Variants in ACER1 observed in about 807,000 individuals in gnomAD.
ACER1 encodes CTB-180A7.3.
Under a neutral mutation model 24.9 loss-of-function variants are expected in ACER1, and 28 were observed. That is an observed-to-expected ratio of 1.13 (90% confidence interval 0.83 to 1.54). ACER1 has a LOEUF of 1.54. ACER1 is among the 40% of genes most tolerant of loss of function. The probability of loss-of-function intolerance (pLI) is 0.00; values close to 1 mark genes in which losing one functional copy is unlikely to be tolerated. For synonymous variants in ACER1, 132 were observed against 131.4 expected (o/e 1.00, Z -0.03); for missense variants, 352 against 349.3 (o/e 1.01, Z -0.06).
At chr19:6,340,299 GGAAGGAAGGAAGGAAGGAAGGA>G in the ACER1 span, among the ~76,000 whole-genome samples, 2 of 190 alleles carry the variant, frequency 0.011, no homozygotes, top group Admixed American at 0.11. Context: ...AAAGAAGGAA[GGAAGGAAGGAAGGAAGGAAGGA>G]AGGAAGGAAG....
the ACER1 span, among the ~76,000 whole-genome samples, chr19:6,355,565 G>T: frequency 6.0e-5 from 9 of 150,996 alleles, no homozygotes; most frequent in Non-Finnish European, 1.0e-4. Context: ...CACCCCACCC[G>T]GGAGGGAGGT....
Position 6,313,522 on chromosome 19 carries a change from TGGCC to T in ACER1, c.94-1027_94-1024del, listed in dbSNP as rs753462499. ...TTCGCTGCAGTTCACTGTGGCCTTG[TGGCC>T]TTTTGACCTGCTCTGGCCAATGAGA... On this transcript the variant is annotated intron_variant, in intron 1 of 5. Transcript: ENST00000301452. 7.0e-4 allele frequency among the ~76,000 whole-genome samples: 107 copies of T among 152,364 alleles called. 1 individual carries two copies. The highest frequency in any genetic ancestry group is 1.3e-3 in the Non-Finnish European group (91 of 68,042).
chr19:6,317,292 C>A (rs937201997), intron 1 of ACER1, among the ~76,000 whole-genome samples: 2 of 152,082 alleles, frequency 1.3e-5, no homozygotes, highest in Non-Finnish European at 2.9e-5. Flanking sequence ...TCCTTTATAG[C>A]AACACAAACT....
At chr19:6,333,329 T>C in intron 1 of ACER1, 130 bp downstream of exon 1, 1 of 679,872 alleles carries the variant, frequency 1.5e-6, no homozygotes, top group Non-Finnish European at 2.4e-6. Context: ...ACTCTTTGGC[T>C]AACAGATGAG....
At chr19:6,348,831 G>A in the ACER1 span, among the ~76,000 whole-genome samples, 1 of 151,984 alleles carries the variant, frequency 6.6e-6, no homozygotes, top group African/African-American at 2.4e-5. Flanking sequence ...GCCGAGGCGG[G>A]TGGATCATGA....
the ACER1 span, among the ~76,000 whole-genome samples, chr19:6,357,154 C>T: frequency 6.6e-6 from 1 of 151,154 alleles, no homozygotes; most frequent in Admixed American, 6.6e-5. Context: ...AAGCGATTCT[C>T]CTGCCTCAGT....
chr19:6,338,443 A>G (rs1209480221), upstream of ACER1, among the ~76,000 whole-genome samples: 1 of 152,228 alleles, frequency 6.6e-6, no homozygotes, highest in East Asian at 1.9e-4. Flanking sequence ...AAATCTGAAT[A>G]TGGTCTATAG....
At position 6,309,215 on chromosome 19, in the gene ACER1, T is replaced by C. The variant is rs1289478478; in HGVS notation, c.488+482A>G. On this transcript the variant is annotated intron_variant, in intron 4 of 5. Coordinates refer to ENST00000301452, the MANE Select transcript of ACER1 (RefSeq NM_133492.3). ...TCTGTCTCAAAAATAAATAAATAAATAAATAAAATAAAGATAATGTAGGGT... is the reference window on the plus strand; with the variant it reads ...TCTGTCTCAAAAATAAATAAATAAACAAATAAAATAAAGATAATGTAGGGT... Among the ~76,000 whole-genome samples, 4 of 150,368 alleles carry C rather than the reference T, an allele frequency of 2.7e-5. No individual in the cohort carries two copies. In the East Asian group the frequency reaches 7.8e-4, roughly 29 times the overall value.
chr19:6,320,936 T>G (rs1451184130), intron 1 of ACER1, among the ~76,000 whole-genome samples: 1 of 151,956 alleles, frequency 6.6e-6, no homozygotes, highest in African/African-American at 2.4e-5. Flanking sequence ...TCACTCGTAA[T>G]AAGAATAGCT....
rs2091554968 is a variant in ACER1 at position 6,306,871 on chromosome 19, A to C, written c.638T>G (p.Ile213Ser). 6.2e-7 allele frequency: 1 copy of C among 1,613,376 alleles called. No homozygotes were observed. Among genetic ancestry groups the C allele is most frequent in the African/African-American group, 1.3e-5 (1 of 74,930 alleles). ...CATGCCATAAGGGAAGGTGATGCTGATGAGCACATGCCTGTGGAGTGCAGG... is the reference window on the plus strand; with the variant it reads ...CATGCCATAAGGGAAGGTGATGCTGCTGAGCACATGCCTGTGGAGTGCAGG... ...FYLHSIWHVL[I>S]SITFPYGMVT... The change falls in exon 6 of 6, where the codon ATC becomes AGC. Residue 213 changes from isoleucine (I) to serine (S), a missense_variant. Transcript: ENST00000301452.
At chr19:6,347,648 C>T in the ACER1 span, among the ~76,000 whole-genome samples, 6 of 151,292 alleles carry the variant, frequency 4.0e-5, no homozygotes, top group African/African-American at 1.5e-4. Flanking sequence ...CCAGCCTGAC[C>T]AACATGGCAA....
At position 6,307,312 on chromosome 19, in the gene ACER1, C is replaced by T. The variant is rs772652134; in HGVS notation, c.489-22G>A. 13 of 1,612,960 alleles carry T rather than the reference C, an allele frequency of 8.1e-6. No homozygotes were observed. The South Asian group carries it at 9.9e-5, about 12-fold the overall frequency. On this transcript the variant is annotated intron_variant, in intron 4 of 5. Transcript: ENST00000301452. ...GGTCCTAGAGAGGGGAGAGGGGGACCAGGGGCTGGCTCGGAGAGCAGCACC... is the reference window on the plus strand; with the variant it reads ...GGTCCTAGAGAGGGGAGAGGGGGACTAGGGGCTGGCTCGGAGAGCAGCACC...
At chr19:6,313,370 C>G (rs1282459843) in intron 1 of ACER1, among the ~76,000 whole-genome samples, 2 of 152,186 alleles carry the variant, frequency 1.3e-5, no homozygotes, top group African/African-American at 4.8e-5. Flanking sequence ...ATCCTCCCAC[C>G]ATAGCCTAAA....
At chr19:6,325,721 G>A (rs963401796) in intron 1 of ACER1, among the ~76,000 whole-genome samples, 4 of 152,008 alleles carry the variant, frequency 2.6e-5, no homozygotes, top group East Asian at 1.9e-4. Flanking sequence ...TGAGCTGGGC[G>A]TGGTGGCTCA....
chr19:6,331,392 AC>A (rs1210502872), intron 1 of ACER1, among the ~76,000 whole-genome samples: 7 of 138,678 alleles, frequency 5.0e-5, no homozygotes, highest in Admixed American at 6.9e-5. Flanking sequence ...CTCATGATCC[AC>A]CCCCCTCGGC....
the ACER1 span, among the ~76,000 whole-genome samples, chr19:6,348,489 A>T: frequency 6.6e-6 from 1 of 150,698 alleles, no homozygotes; most frequent in African/African-American, 2.4e-5. Context: ...AAAAAAGAAG[A>T]TTAAAGACTG....
chr19:6,348,491 T>G, the ACER1 span, among the ~76,000 whole-genome samples: 1 of 146,784 alleles, frequency 6.8e-6, no homozygotes, highest in Non-Finnish European at 1.5e-5. Context: ...AAAAGAAGAT[T>G]AAAGACTGAG....
chr19:6,329,905 C>T (rs1329735785), intron 1 of ACER1, among the ~76,000 whole-genome samples: 1 of 148,554 alleles, frequency 6.7e-6, no homozygotes, highest in East Asian at 2.0e-4. Context: ...GAGTCTTGCT[C>T]TGTCACCCAG....
Position 6,309,724 on chromosome 19 carries a change from A to T in ACER1, c.461T>A (p.Leu154His). 6.2e-7 allele frequency: 1 copy of T among 1,613,972 alleles called. No homozygotes were observed. The highest frequency in any genetic ancestry group is 8.5e-7 in the Non-Finnish European group (1 of 1,179,966). Reference protein sequence around the residue: ...YALNSIALHILYIVCQEYRKT... With the variant: ...YALNSIALHIHYIVCQEYRKT... ...CCTGTACTCCTGGCACACGATGTAG[A>T]GAATGTGCAGGGCAATGCTGTTGAG... The change falls in exon 4 of 6, where the codon CTC (leucine) becomes CAC (histidine). Residue 154 changes from leucine to histidine, a missense_variant. Physicochemically the swap from Leu to His is moderately conservative, Grantham distance 99 (BLOSUM62 -3). Coordinates refer to ENST00000301452, the MANE Select transcript of ACER1 (RefSeq NM_133492.3).
Sources: gnomAD v4.1 joint callset for allele counts (sites outside exome capture counted in the v4.1 genomes callset) on GRCh38, gnomAD v4.1.1 for gene constraint, MANE v1.5 for transcripts, NCBI Gene and HGNC (gene_info 2026-07-23, HGNC 2026-07-21) for gene names.